Variants in CAST observed in about 807,000 individuals in gnomAD.
The protein encoded by CAST is MIR583 host.
In CAST, 76 loss-of-function variants were observed where a neutral mutation model predicts 119.6. The observed-to-expected ratio is 0.64, with a 90% confidence interval of 0.53 to 0.77. The LOEUF (loss-of-function observed/expected upper bound fraction) is 0.77. Ranked by LOEUF, CAST falls within the 30% of genes least tolerant of loss-of-function variation. The probability of loss-of-function intolerance (pLI) is 0.00; values close to 1 mark genes in which losing one functional copy is unlikely to be tolerated. For synonymous variants in CAST, 319 were observed against 331.6 expected (o/e 0.96, Z 0.41); for missense variants, 953 against 946.5 (o/e 1.01, Z -0.09).
chr5:96,593,468 G>T (rs1746999701), intron 1 of CAST, among the ~76,000 whole-genome samples: 1 of 152,142 alleles, frequency 6.6e-6, no homozygotes, highest in Non-Finnish European at 1.5e-5. Flanking sequence ...ATGCTCTGTT[G>T]CCATCAGCTT....
chr5:96,255,303 A>G, the CAST span, among the ~76,000 whole-genome samples: 2 of 152,150 alleles, frequency 1.3e-5, no homozygotes, highest in African/African-American at 2.4e-5. Context: ...ATATTTAGGT[A>G]AAGGAATGTT....
intron 1 of CAST, among the ~76,000 whole-genome samples, chr5:96,656,850 G>A (rs765734824): frequency 4.6e-5 from 7 of 152,080 alleles, no homozygotes; most frequent in Non-Finnish European, 1.0e-4. Context: ...CTAGAAACTA[G>A]TGAATTCTTA....
the CAST span, among the ~76,000 whole-genome samples, chr5:96,105,647 T>C: frequency 3.9e-5 from 6 of 152,348 alleles, no homozygotes; most frequent in South Asian, 2.1e-4. Context: ...CAGTATTTTA[T>C]TGAGGATTTT....
the CAST span, among the ~76,000 whole-genome samples, chr5:96,092,465 C>T: frequency 6.6e-6 from 1 of 152,198 alleles, no homozygotes; most frequent in South Asian, 2.1e-4. Context: ...ACATCCTCAA[C>T]TCTTCCCCTT....
intron 4 of CAST, among the ~76,000 whole-genome samples, chr5:96,724,170 T>G (rs1037647924): frequency 3.3e-5 from 5 of 149,822 alleles, no homozygotes; most frequent in African/African-American, 4.9e-5. Flanking sequence ...AAGCTTAATC[T>G]TAAAAAATTA....
At chr5:96,479,450 CTTAT>C in the CAST span, among the ~76,000 whole-genome samples, 2 of 115,318 alleles carry the variant, frequency 1.7e-5, no homozygotes, top group Non-Finnish European at 3.7e-5. Flanking sequence ...CCAGGCACTC[CTTAT>C]TTTTTTTTTT....
the CAST span, among the ~76,000 whole-genome samples, chr5:96,299,096 T>G: frequency 6.6e-6 from 1 of 151,458 alleles, no homozygotes; most frequent in African/African-American, 2.4e-5. Context: ...AAAAAAAAAA[T>G]TGGCTGGGCG....
chr5:96,197,869 C>A, the CAST span, among the ~76,000 whole-genome samples: 1 of 152,162 alleles, frequency 6.6e-6, no homozygotes, highest in African/African-American at 2.4e-5. Flanking sequence ...AGTGATCCTC[C>A]CATCTCAGCC....
At chr5:96,065,748 G>A in the CAST span, among the ~76,000 whole-genome samples, 265 of 152,252 alleles carry the variant, frequency 1.7e-3, 1 homozygote, top group African/African-American at 6.1e-3. Context: ...GCCAGAGAGT[G>A]AATTCTCTTT....
the CAST span, chr5:96,410,882 G>A: frequency 6.2e-7 from 1 of 1,613,818 alleles, no homozygotes. Flanking sequence ...TGCTGATGGA[G>A]ATGGTGTAGA....
the CAST span, among the ~76,000 whole-genome samples, chr5:96,316,298 A>G: frequency 6.6e-6 from 1 of 152,198 alleles, no homozygotes; most frequent in Non-Finnish European, 1.5e-5. Flanking sequence ...TGCAATATAT[A>G]ATAGAGCTCA....
the CAST span, among the ~76,000 whole-genome samples, chr5:95,962,310 A>C: frequency 6.6e-6 from 1 of 152,190 alleles, no homozygotes; most frequent in Non-Finnish European, 1.5e-5. Flanking sequence ...GCCGTGACCA[A>C]ATAAGGACTT....
intron 20 of CAST, among the ~76,000 whole-genome samples, chr5:96,753,112 GC>G (rs537944848): frequency 3.3e-5 from 5 of 150,980 alleles, no homozygotes; most frequent in Non-Finnish European, 7.4e-5. Flanking sequence ...TCCCACCTCA[GC>G]CTCTTGAGGA....
At chr5:96,021,867 A>T in the CAST span, among the ~76,000 whole-genome samples, 1 of 152,232 alleles carries the variant, frequency 6.6e-6, no homozygotes, top group Non-Finnish European at 1.5e-5. Flanking sequence ...TGATCGGATT[A>T]CATATAATTA....
At chr5:96,218,206 AT>A in the CAST span, among the ~76,000 whole-genome samples, 1 of 152,122 alleles carries the variant, frequency 6.6e-6, no homozygotes, top group Non-Finnish European at 1.5e-5. Context: ...TTCCTATGGA[AT>A]TTTTTTAAAT....
chr5:96,238,101 G>A, the CAST span, among the ~76,000 whole-genome samples: 1 of 151,936 alleles, frequency 6.6e-6, no homozygotes, highest in Non-Finnish European at 1.5e-5. Context: ...ATAGAAACAA[G>A]AAAATAAAGA....
chr5:96,371,882 C>T, the CAST span, among the ~76,000 whole-genome samples: 4 of 152,178 alleles, frequency 2.6e-5, no homozygotes, highest in Non-Finnish European at 4.4e-5. Context: ...GCTAAAAGTA[C>T]ATTATATTCT....
At chr5:96,740,654 G>A in intron 12 of CAST, 91 bp from the exon 13 acceptor site, 1 of 869,750 alleles carries the variant, frequency 1.1e-6, no homozygotes, top group Non-Finnish European at 2.0e-6. Context: ...GGGGTGGGAG[G>A]CACAATTCAA....
At chr5:96,166,695 C>T in the CAST span, among the ~76,000 whole-genome samples, 8 of 152,084 alleles carry the variant, frequency 5.3e-5, no homozygotes, top group South Asian at 2.1e-4. Flanking sequence ...ATAGCCTTGG[C>T]AATCATGAGG....
Sources: allele counts gnomAD v4.1 joint callset (sites outside exome capture counted in the v4.1 genomes callset), GRCh38; gene constraint gnomAD v4.1.1; transcripts MANE v1.5; gene names NCBI Gene and HGNC (gene_info 2026-07-23, HGNC 2026-07-21).